The following SYN2 variants were observed in gnomAD, a reference collection of about 807,000 sequenced individuals.
SYN2 encodes synapsin II.
SYN2 carries 19 observed loss-of-function variants against 50.9 expected under a neutral mutation model. That is an observed-to-expected ratio of 0.37 (90% confidence interval 0.26 to 0.55). SYN2 has a LOEUF of 0.55. Among genes scored for constraint, SYN2 ranks in the 20% least tolerant of loss-of-function variants. The pLI, the probability that SYN2 is intolerant of heterozygous loss-of-function variation, is 0.81. For missense variants in SYN2, 587 were observed against 576.4 expected (o/e 1.02, Z -0.19); for synonymous variants, 255 against 224.9 (o/e 1.13, Z -1.20).
rs577614441 is a variant in SYN2 at position 12,069,902 on chromosome 3, G to T, written c.377+64974G>T. On this transcript the variant is annotated intron_variant, in intron 1 of 12. Transcript: ENST00000621198. ...GCTCAGTACAGTCTCAACCTCCCAGGCTCAGTCAATCCTCCCACCTCAGCC... is the reference window on the plus strand; with the variant it reads ...GCTCAGTACAGTCTCAACCTCCCAGTCTCAGTCAATCCTCCCACCTCAGCC... 2.6e-5 allele frequency among the ~76,000 whole-genome samples: 4 copies of T among 151,688 alleles called. No homozygotes were observed. In the South Asian group the frequency reaches 6.3e-4, roughly 24 times the overall value.
At chr3:12,162,623 A>T (rs1415186873) in intron 7 of SYN2, among the ~76,000 whole-genome samples, 1 of 152,194 alleles carries the variant, frequency 6.6e-6, no homozygotes, top group Non-Finnish European at 1.5e-5. Flanking sequence ...TAGCTCTGGG[A>T]TCCCATGTAC....
At chr3:12,024,157 T>G (rs1665031806) in intron 1 of SYN2, among the ~76,000 whole-genome samples, 1 of 130,570 alleles carries the variant, frequency 7.7e-6, no homozygotes, top group African/African-American at 2.9e-5. Context: ...TCCTTTTTTT[T>G]TTTTTTTTTT....
intron 5 of SYN2, 76 bp downstream of exon 5, chr3:12,151,402 CTGAAA>C: frequency 8.6e-7 from 1 of 1,156,350 alleles, no homozygotes; most frequent in Non-Finnish European, 1.3e-6. Flanking sequence ...TTGTGGGGCT[CTGAAA>C]AGGGCCTCAG....
At chr3:12,100,241 G>A (rs751480945) in intron 1 of SYN2, among the ~76,000 whole-genome samples, 3 of 152,086 alleles carry the variant, frequency 2.0e-5, no homozygotes, top group Non-Finnish European at 2.9e-5. Context: ...TTACTACAAA[G>A]CTTGATAATA....
In SYN2 at chr3:12,011,159, G is replaced by A. The variant is rs139494785; in HGVS notation, c.377+6231G>A. Among the ~76,000 whole-genome samples, 530 of 152,198 alleles carry A rather than the reference G, an allele frequency of 3.5e-3. 4 individuals are homozygous for A. Among genetic ancestry groups the A allele is most frequent in the African/African-American group, 0.012 (505 of 41,526 alleles). ...TGATCCTGAAAAAGCTGTGTATATT[G>A]AGTTTTTGTAAATTGAATAATTTCA... On this transcript the variant is annotated intron_variant, in intron 1 of 12. Coordinates refer to ENST00000621198, the MANE Select transcript of SYN2 (RefSeq NM_133625.6).
At chr3:12,038,622 C>G (rs1295502074) in intron 1 of SYN2, among the ~76,000 whole-genome samples, 1 of 151,950 alleles carries the variant, frequency 6.6e-6, no homozygotes, top group Non-Finnish European at 1.5e-5. Flanking sequence ...AAGTCTTGTA[C>G]TTATTTTAAA....
At chr3:12,158,143 G>A (rs1220104634) in intron 5 of SYN2, among the ~76,000 whole-genome samples, 1 of 152,208 alleles carries the variant, frequency 6.6e-6, no homozygotes, top group Non-Finnish European at 1.5e-5. Flanking sequence ...GAGATGCTGA[G>A]GCGGCACCAA....
At position 12,136,547 on chromosome 3, in the gene SYN2, A is replaced by AT. The variant is rs1245818833; in HGVS notation, c.378-4104_378-4103insT. ...CAATGCATAAAAGAGGGCGTATTTA[A>AT]GCTAGGCTTGCCTGGGTTGGGCCAA... On this transcript the variant is annotated intron_variant, in intron 1 of 12. Transcript: ENST00000621198. Among the ~76,000 whole-genome samples, 57 of 152,324 alleles carry AT rather than the reference A, an allele frequency of 3.7e-4. No individual in the cohort carries two copies. The South Asian group carries it at 9.1e-3, about 24-fold the overall frequency.
At chr3:12,015,470 G>T (rs545049976) in intron 1 of SYN2, among the ~76,000 whole-genome samples, 9 of 152,276 alleles carry the variant, frequency 5.9e-5, no homozygotes, top group African/African-American at 2.2e-4. Flanking sequence ...AAATATCAAT[G>T]ATGAGCAAAA....
At chr3:12,022,371 A>G (rs1006009449) in intron 1 of SYN2, among the ~76,000 whole-genome samples, 35 of 152,148 alleles carry the variant, frequency 2.3e-4, no homozygotes, top group Non-Finnish European at 4.3e-4. Context: ...AAGAATGAAA[A>G]TCTAATCTTG....
chr3:12,152,716 G>A (rs1230687908), intron 5 of SYN2, among the ~76,000 whole-genome samples: 4 of 152,096 alleles, frequency 2.6e-5, no homozygotes, highest in Non-Finnish European at 5.9e-5. Context: ...AAGGCTTTGT[G>A]GCTTTTAAAA....
chr3:12,154,212 C>T, intron 5 of SYN2: 1 of 1,471,918 alleles, frequency 6.8e-7, no homozygotes, highest in Non-Finnish European at 9.3e-7. Flanking sequence ...TCATCCCCAA[C>T]TTCATACAGT....
chr3:12,188,159 G>T (rs1180059383), intron 12 of SYN2, among the ~76,000 whole-genome samples: 4 of 152,210 alleles, frequency 2.6e-5, no homozygotes, highest in Non-Finnish European at 5.9e-5. Context: ...TCCAAAGGAG[G>T]TCAGTTTCTG....
chr3:12,117,522 C>T (rs924020892), intron 1 of SYN2, among the ~76,000 whole-genome samples: 1 of 152,088 alleles, frequency 6.6e-6, no homozygotes, highest in African/African-American at 2.4e-5. Context: ...GAATTTTGTG[C>T]CTGTGTAAGA....
At chr3:12,086,004 A>G (rs540019185) in intron 1 of SYN2, among the ~76,000 whole-genome samples, 1 of 152,306 alleles carries the variant, frequency 6.6e-6, no homozygotes, top group East Asian at 1.9e-4. Flanking sequence ...TATTTTAGCT[A>G]GACTAACAAA....
chr3:12,012,009 C>A (rs1693920135), intron 1 of SYN2, among the ~76,000 whole-genome samples: 1 of 152,036 alleles, frequency 6.6e-6, no homozygotes, highest in African/African-American at 2.4e-5. Flanking sequence ...TTTTTGAGTT[C>A]CCAAAATTTT....
At chr3:12,101,366 A>G (rs968963048) in intron 1 of SYN2, among the ~76,000 whole-genome samples, 8 of 152,178 alleles carry the variant, frequency 5.3e-5, no homozygotes, top group African/African-American at 1.9e-4. Flanking sequence ...ACATTATGCT[A>G]AGTGAGAGAA....
At chr3:12,145,485 A>G (rs1697125264) in intron 3 of SYN2, among the ~76,000 whole-genome samples, 194 bp from the exon 4 acceptor site, 1 of 151,888 alleles carries the variant, frequency 6.6e-6, no homozygotes, top group Non-Finnish European at 1.5e-5. Flanking sequence ...ACAGTGAGCT[A>G]TGGTTGTGCC....
intron 1 of SYN2, among the ~76,000 whole-genome samples, chr3:12,128,773 C>T (rs1290406515): frequency 6.6e-6 from 1 of 152,062 alleles, no homozygotes; most frequent in Non-Finnish European, 1.5e-5. Context: ...AGAACTCACG[C>T]AGGAAAGTTT....
Sources: gnomAD v4.1 joint callset for allele counts (sites outside exome capture counted in the v4.1 genomes callset) on GRCh38, gnomAD v4.1.1 for gene constraint, MANE v1.5 for transcripts, NCBI Gene and HGNC (gene_info 2026-07-23, HGNC 2026-07-21) for gene names.